Variants in TYMP observed in about 807,000 individuals in gnomAD.
TYMP encodes the protein thymidine phosphorylase.
Under a neutral mutation model 42.3 loss-of-function variants are expected in TYMP, and 46 were observed. The ratio of observed to expected loss-of-function variants is 1.09; its 90% CI spans 0.86 to 1.39. TYMP has a LOEUF of 1.39. Ranked by LOEUF, TYMP falls within the 40% of genes most tolerant of loss-of-function variation. TYMP has a pLI of 0.00. For missense variants in TYMP, 837 were observed against 677.6 expected (o/e 1.24, Z -2.61); for synonymous variants, 363 against 308.0 (o/e 1.18, Z -1.87).
Position 50,526,574 on chromosome 22 carries a change from A to AC in TYMP, c.928+1dup, listed in dbSNP as rs1213619304. The AC allele has an allele frequency of 6.4e-7, 1 of 1,570,390 alleles. No individual in the cohort carries two copies. On this transcript the variant is annotated splice_donor_variant, in intron 7 of 9. Coordinates refer to ENST00000252029, the MANE Select transcript of TYMP (RefSeq NM_001953.5). LOFTEE classifies it high-confidence loss of function. ...CGCTCCCCTACACCCCGTCCCCCTC[A>AC]CCGAGCGTGGTGACCAGGTCCCTTA...
chr22:50,528,730 G>GT, intron 3 of TYMP, 120 bp from the exon 4 acceptor site: 1 of 797,346 alleles, frequency 1.3e-6, no homozygotes, highest in Non-Finnish European at 2.1e-6. Context: ...AGCTATAGGG[G>GT]TGCCCAGCTG....
At chr22:50,527,768 CTTTTTTTTT>C (rs131803) in intron 4 of TYMP, 51 bp from the exon 5 acceptor site, 347 of 1,227,036 alleles carry the variant, frequency 2.8e-4, no homozygotes, top group East Asian at 4.2e-4. Flanking sequence ...GACTTAGCAG[CTTTTTTTTT>C]TTTTTTTTTT....
chr22:50,526,201 A>G, intron 8 of TYMP, 45 bp downstream of exon 8: 2 of 1,486,556 alleles, frequency 1.3e-6, no homozygotes, highest in South Asian at 1.3e-5. Flanking sequence ...CGGGAAGGGA[A>G]GGGGATGGCG....
At chr22:50,528,842 A>G in intron 3 of TYMP, 1 of 613,618 alleles carries the variant, frequency 1.6e-6, no homozygotes, top group Non-Finnish European at 2.9e-6. Flanking sequence ...GAGGGAGGAA[A>G]GTCCTCAGCT....
chr22:50,527,870 G>T, intron 4 of TYMP, 153 bp from the exon 5 acceptor site: 1 of 884,948 alleles, frequency 1.1e-6, no homozygotes, highest in Non-Finnish European at 1.7e-6. Flanking sequence ...CTGCCTCCTG[G>T]GCTTAAGTGA....
intron 6 of TYMP, 65 bp downstream of exon 6, chr22:50,527,100 G>T: frequency 7.7e-7 from 1 of 1,304,370 alleles, no homozygotes; most frequent in Non-Finnish European, 1.1e-6. Flanking sequence ...GTGGGGACGG[G>T]AGGGGTGAAG....
intron 4 of TYMP, 92 bp from the exon 5 acceptor site, chr22:50,527,809 CTG>C: frequency 6.6e-7 from 1 of 1,523,220 alleles, no homozygotes; most frequent in Non-Finnish European, 8.8e-7. Context: ...GAGTCTTCCT[CTG>C]TTGCCCAGGC....
At position 50,526,266 on chromosome 22, in the gene TYMP, T is replaced by G; in HGVS notation, c.1139A>C (p.Glu380Ala). ...CTCACCATCTGCGGGCGCCAGCAGC[T>G]CCTCCTGCTCCCGGGCGCGAGGCAG... ...QLLPRAREQE[E>A]LLAPADGTVE... Residue 380 changes from glutamate to alanine, a missense_variant, in exon 8 of 10, where the codon GAG becomes GCG. Physicochemically the swap from Glu to Ala is moderately radical, Grantham distance 107. Coordinates refer to ENST00000252029, the MANE Select transcript of TYMP (RefSeq NM_001953.5). 1 of 1,538,860 alleles carries G rather than the reference T, an allele frequency of 6.5e-7. No homozygotes were observed. The highest frequency in any genetic ancestry group is 1.2e-5 in the South Asian group (1 of 83,786).
chr22:50,528,787 G>A, intron 3 of TYMP, 177 bp from the exon 4 acceptor site: 3 of 663,978 alleles, frequency 4.5e-6, no homozygotes, highest in Non-Finnish European at 8.2e-6. Flanking sequence ...GTGTCAGTAG[G>A]GGAGGAGGTT....
Position 50,527,695 on chromosome 22 carries a change from G to T in TYMP, c.539C>A (p.Ala180Glu). 6.2e-7 allele frequency: 1 copy of T among 1,613,348 alleles called. No homozygotes were observed. The change falls in exon 5 of 10, where the codon GCG (alanine) becomes GAG (glutamate). Residue 180 changes from alanine to glutamate, a missense_variant. Transcript: ENST00000252029. ...ACTCTGACCCACGATACAGCAGCCC[G>T]CCTGGTCCAGCAGCACTTGCATCTG... ...PEQMQVLLDQ[A>E]GCCIVGQSEQ...
chr22:50,526,776 G>A (rs1290717295), intron 6 of TYMP, 38 bp from the exon 7 acceptor site: 1 of 1,527,638 alleles, frequency 6.5e-7, no homozygotes, highest in Non-Finnish European at 8.8e-7. Flanking sequence ...CCCCATGGCG[G>A]GGCCTTCTGC....
In TYMP at chr22:50,527,225, C is replaced by T; in HGVS notation, c.705G>A (p.Lys235=). The T allele has an allele frequency of 6.2e-7, 1 of 1,613,680 alleles. No homozygotes were observed. The highest frequency in any genetic ancestry group is 1.1e-5 in the South Asian group (1 of 91,080). The change falls in exon 6 of 10, where the codon AAG becomes AAA. Residue 235 remains lysine (K), a synonymous_variant. Transcript: ENST00000252029. Reference sequence around the variant, plus strand: ...TGGGGAAGACGGCGGCCCCTCCGAACTTAACGTCCACCACCAGAGCGGACA... The same window carrying T: ...TGGGGAAGACGGCGGCCCCTCCGAATTTAACGTCCACCACCAGAGCGGACA... The part of the protein sequence containing the change: ...EGLSALVVDV[K]FGGAAVFPNQ...
chr22:50,527,533 G>C, intron 5 of TYMP, 55 bp downstream of exon 5: 1 of 1,613,558 alleles, frequency 6.2e-7, no homozygotes, highest in Non-Finnish European at 8.5e-7. Flanking sequence ...CTTGACTTGA[G>C]TTTGGAGGTC....
upstream of TYMP, chr22:50,530,038 A>G: frequency 3.0e-6 from 1 of 328,936 alleles, no homozygotes; most frequent in Non-Finnish European, 5.5e-6. Context: ...GCGGCGCCCC[A>G]GGACGGCAGG....
At position 50,528,596 on chromosome 22, in the gene TYMP, G is replaced by A. The variant is rs751803871; in HGVS notation, c.432C>T (p.Ser144=). The A allele has an allele frequency of 2.5e-6, 4 of 1,613,416 alleles. No homozygotes were observed. Among genetic ancestry groups the A allele is most frequent in the Admixed American group, 1.7e-5 (1 of 59,990 alleles). The change falls in exon 4 of 10, where the codon AGC becomes AGT. Residue 144 remains serine, a synonymous_variant. Coordinates refer to ENST00000252029, the MANE Select transcript of TYMP (RefSeq NM_001953.5). The stretch of plus-strand genomic sequence containing the variant: ...CTCCTGTGTGCCCCAGACCACGTCC[G>A]CTGATCATTGGCACCTGGTGGTCAG... ...AACGCKVPMI[S]GRGLGHTGGT... is the part of the protein sequence containing the mutation.
rs1042023607 is a variant in TYMP, at chr22:50,526,449, T to C, written c.956A>G (p.His319Arg). 13 of 1,495,816 alleles carry C rather than the reference T, an allele frequency of 8.7e-6. No homozygotes were observed. Among genetic ancestry groups the C allele is most frequent in the Middle Eastern group, 4.5e-4 (2 of 4,408 alleles). The allele number at this position is 1,495,816 out of a possible 1,614,324, so 92.7% of individuals were successfully genotyped here. ...LGGALLWLSG[H>R]AGTQAQGAAR... ...AGCGCCCTGGGCCTGAGTCCCCGCGTGTCCGCTGAGCCAGAGCAGGGCGCC... is the reference window on the plus strand; with the variant it reads ...AGCGCCCTGGGCCTGAGTCCCCGCGCGTCCGCTGAGCCAGAGCAGGGCGCC... The change falls in exon 8 of 10, where the codon CAC becomes CGC. Residue 319 changes from histidine to arginine, a missense_variant. By Grantham distance (29) the His-to-Arg change is conservative. Transcript: ENST00000252029.
rs1458356330 is a variant in TYMP, at chr22:50,526,130, G to A, written c.1171C>T (p.Leu391=). The A allele has an allele frequency of 2.7e-6, 4 of 1,487,616 alleles. No homozygotes were observed. Among genetic ancestry groups the A allele is most frequent in the South Asian group, 1.3e-5 (1 of 78,534 alleles). The allele number at this position is 1,487,616 out of a possible 1,614,324, so 92.2% of individuals were successfully genotyped here. The change falls in exon 9 of 10, where the codon CTG becomes TTG. Residue 391 remains leucine (L), a synonymous_variant. Transcript: ENST00000252029. ...LLAPADGTVE[L]VRALPLALVL... ...AGCGCCAGCGGCAGCGCCCGGACCA[G>A]CTCCACGGTGCCTGCGGGGAGAGGG...
Position 50,526,328 on chromosome 22 carries a change from G to T in TYMP, c.1077C>A (p.Ala359=), listed in dbSNP as rs771137260. 2 of 1,561,684 alleles carry T rather than the reference G, an allele frequency of 1.3e-6. No homozygotes were observed. The highest frequency in any genetic ancestry group is 1.7e-6 in the Non-Finnish European group (2 of 1,164,360). ...AQGVDPGLAR[A]LCSGSPAERR... is the part of the protein sequence containing the mutation. Reference sequence around the variant, plus strand: ...GTTCTGCGGGACTTCCCGAGCACAGGGCTCGGGCCAGACCGGGATCCACGC... The same window carrying T: ...GTTCTGCGGGACTTCCCGAGCACAGTGCTCGGGCCAGACCGGGATCCACGC... The change falls in exon 8 of 10, where the codon GCC becomes GCA. Residue 359 remains alanine, a synonymous_variant. Transcript: ENST00000252029.
At chr22:50,527,881 TCCTC>T (rs2069454296) in intron 4 of TYMP, 164 bp from the exon 5 acceptor site, 1 of 768,174 alleles carries the variant, frequency 1.3e-6, no homozygotes. Context: ...GCTTAAGTGA[TCCTC>T]CCACCTCAGC....
Sources: allele counts gnomAD v4.1 joint callset, GRCh38; gene constraint gnomAD v4.1.1; transcripts MANE v1.5; gene names NCBI Gene and HGNC (gene_info 2026-07-23, HGNC 2026-07-21).